Variants in LAMA2 observed in about 807,000 individuals in gnomAD.
LAMA2 encodes the protein laminin subunit alpha-2.
A neutral mutation model predicts 364.8 loss-of-function variants in LAMA2; 269 were observed. The ratio of observed to expected loss-of-function variants is 0.74; its 90% confidence interval spans 0.67 to 0.82. The LOEUF (loss-of-function observed/expected upper bound fraction) is 0.82. LAMA2 is among the 40% of genes least tolerant of loss of function. LAMA2 has a pLI of 0.00. For synonymous variants in LAMA2, 1,379 were observed against 1,370.6 expected (o/e 1.01, Z -0.14); for missense variants, 3,807 against 3,873.2 (o/e 0.98, Z 0.45).
chr6:129,421,301 G>A (rs1781060154), intron 40 of LAMA2, among the ~76,000 whole-genome samples: 1 of 151,346 alleles, frequency 6.6e-6, no homozygotes, highest in African/African-American at 2.4e-5. Context: ...TGATATAGTT[G>A]AAATTTTTAT....
chr6:129,505,860 T>G (rs1786027278), intron 61 of LAMA2, among the ~76,000 whole-genome samples: 2 of 151,860 alleles, frequency 1.3e-5, no homozygotes, highest in Admixed American at 6.6e-5. Flanking sequence ...TAGATTAGAT[T>G]ATGAGAGACA....
intron 62 of LAMA2, among the ~76,000 whole-genome samples, chr6:129,511,249 C>T (rs1786546322): frequency 6.6e-6 from 1 of 152,062 alleles, no homozygotes; most frequent in Non-Finnish European, 1.5e-5. Context: ...TCCAGCGACC[C>T]AATCACTGGG....
At chr6:129,479,812 C>T (rs1784263449) in intron 54 of LAMA2, 1 of 152,106 alleles carries the variant, frequency 6.6e-6, no homozygotes, top group South Asian at 2.1e-4. Context: ...CTTCATTGTT[C>T]ATAGCTACAG....
chr6:129,305,485 T>G (rs1306262555), intron 22 of LAMA2, among the ~76,000 whole-genome samples: 2 of 151,926 alleles, frequency 1.3e-5, no homozygotes, highest in Non-Finnish European at 2.9e-5. Context: ...CCACCATGCT[T>G]GGCTAATTTT....
chr6:129,275,252 C>T (rs1583395571), intron 17 of LAMA2, among the ~76,000 whole-genome samples: 1 of 151,964 alleles, frequency 6.6e-6, no homozygotes, highest in African/African-American at 2.4e-5. Context: ...TGTTTTAGTG[C>T]TCTTTCCTAC....
chr6:129,086,306 AT>A (rs1278105616), intron 3 of LAMA2, among the ~76,000 whole-genome samples: 1 of 152,298 alleles, frequency 6.6e-6, no homozygotes, highest in East Asian at 1.9e-4. Flanking sequence ...GTGGTATCCC[AT>A]TTTTCATAAT....
intron 12 of LAMA2, among the ~76,000 whole-genome samples, chr6:129,235,831 C>A (rs1054766880): frequency 6.6e-6 from 1 of 152,072 alleles, no homozygotes; most frequent in African/African-American, 2.4e-5. Context: ...GTTAAAAAGG[C>A]CACAGTCTGA....
chr6:129,309,601 T>C (rs558867388), intron 22 of LAMA2, among the ~76,000 whole-genome samples: 1 of 152,346 alleles, frequency 6.6e-6, no homozygotes, highest in South Asian at 2.1e-4. Context: ...AGTGAGTTAA[T>C]ACATACTCAA....
At chr6:129,086,665 A>G (rs1774404769) in intron 3 of LAMA2, among the ~76,000 whole-genome samples, 1 of 152,248 alleles carries the variant, frequency 6.6e-6, no homozygotes, top group South Asian at 2.1e-4. Context: ...TGTACTAGTC[A>G]GGTGAAGTAG....
chr6:129,252,169 A>G lies in LAMA2; in HGVS notation c.1970A>G (p.Glu657Gly). Residue 657 changes from glutamate to glycine, a missense_variant, in exon 14 of 65, where the codon GAA becomes GGA. Physicochemically the swap from Glu to Gly is moderately conservative, Grantham distance 98 (BLOSUM62 -2). This residue lies in a region of LAMA2 where 3,333 missense variants were observed against 3,345.7 expected (regional missense o/e 1.00). Coordinates refer to ENST00000421865, the MANE Select transcript of LAMA2 (RefSeq NM_000426.4). ...EEHTNVLLLK[E>G]ESFTIHGTHF... Reference sequence around the variant, plus strand: ...CATACTAATGTATTGTTACTTAAAGAAGAATCATTTACCATACATGGCACA... The same window carrying G: ...CATACTAATGTATTGTTACTTAAAGGAGAATCATTTACCATACATGGCACA... 1 of 1,613,474 alleles carries G rather than the reference A, an allele frequency of 6.2e-7. No homozygotes were observed. Among genetic ancestry groups the G allele is most frequent in the Non-Finnish European group, 8.5e-7 (1 of 1,179,418 alleles).
At chr6:129,097,820 A>C (rs1775276671) in intron 3 of LAMA2, among the ~76,000 whole-genome samples, 1 of 152,224 alleles carries the variant, frequency 6.6e-6, no homozygotes, top group Admixed American at 6.5e-5. Context: ...TGTATTTTAC[A>C]GTCTTTAACA....
At chr6:129,502,217 T>G (rs1785701883) in intron 58 of LAMA2, among the ~76,000 whole-genome samples, 2 of 152,090 alleles carry the variant, frequency 1.3e-5, no homozygotes, top group Non-Finnish European at 2.9e-5. Context: ...CAAGAAAAAG[T>G]AATATAGTGG....
At chr6:129,274,977 A>G (rs1418018646) in intron 17 of LAMA2, among the ~76,000 whole-genome samples, 1 of 151,980 alleles carries the variant, frequency 6.6e-6, no homozygotes, top group Non-Finnish European at 1.5e-5. Context: ...TATTGGCACA[A>G]GGCTGGACAG....
intron 1 of LAMA2, among the ~76,000 whole-genome samples, chr6:129,020,005 A>C (rs1785324810): frequency 6.6e-6 from 1 of 151,904 alleles, no homozygotes; most frequent in Non-Finnish European, 1.5e-5. Context: ...GAATTGCTAA[A>C]AACTTGGGAG....
chr6:129,163,292 A>T (rs1488988800), intron 8 of LAMA2, among the ~76,000 whole-genome samples: 1 of 151,912 alleles, frequency 6.6e-6, no homozygotes, highest in Non-Finnish European at 1.5e-5. Flanking sequence ...CTGTCATTAT[A>T]CTTTGGTCTA....
At chr6:129,096,509 A>G (rs145127402) in intron 3 of LAMA2, among the ~76,000 whole-genome samples, 142 of 152,320 alleles carry the variant, frequency 9.3e-4, no homozygotes, top group Non-Finnish European at 1.6e-3. Context: ...ATGTGTGTCT[A>G]TCTGCAGTTA....
At chr6:129,158,131 G>T (rs1409399137) in intron 8 of LAMA2, 1 of 1,612,320 alleles carries the variant, frequency 6.2e-7, no homozygotes, top group Non-Finnish European at 8.5e-7. Context: ...AATTTAAGCA[G>T]GGCTCTGGTG....
At chr6:129,245,931 C>G (rs187838789) in intron 12 of LAMA2, among the ~76,000 whole-genome samples, 6 of 152,258 alleles carry the variant, frequency 3.9e-5, no homozygotes, top group Non-Finnish European at 7.4e-5. Context: ...ATTCTCAGTT[C>G]AGAATGTTCA....
chr6:129,050,962 A>C (rs1417646271), intron 2 of LAMA2, among the ~76,000 whole-genome samples: 1 of 152,174 alleles, frequency 6.6e-6, no homozygotes, highest in Non-Finnish European at 1.5e-5. Flanking sequence ...GTATTGGAGC[A>C]TAATGTTAAA....
Sources: gnomAD v4.1 joint callset for allele counts (sites outside exome capture counted in the v4.1 genomes callset) on GRCh38, gnomAD v4.1.1 for gene constraint, gnomAD v4.1.1 regional missense constraint, MANE v1.5 for transcripts, NCBI Gene and HGNC (gene_info 2026-07-23, HGNC 2026-07-21) for gene names.